Variants in CAD observed in about 807,000 individuals in gnomAD.
The protein encoded by CAD is carbamoyl-phosphate synthetase 2, aspartate transcarbamylase, and dihydroorotase.
In CAD, 81 loss-of-function variants were observed where a neutral mutation model predicts 237.2. The ratio of observed to expected loss-of-function variants is 0.34; its 90% CI spans 0.29 to 0.41. The LOEUF (loss-of-function observed/expected upper bound fraction) is 0.41, where lower values mean the gene tolerates loss of function less well. Ranked by LOEUF, CAD falls within the 10% of genes least tolerant of loss-of-function variation. CAD has a pLI of 1.00. For synonymous variants in CAD, 1,196 were observed against 1,162.8 expected (o/e 1.03, Z -0.58); for missense variants, 2,181 against 2,951.7 (o/e 0.74, Z 6.05).
At chr2:27,228,208 A>G (rs1210391272) in intron 15 of CAD, among the ~76,000 whole-genome samples, 2 of 152,252 alleles carry the variant, frequency 1.3e-5, no homozygotes, top group African/African-American at 2.4e-5. Context: ...AGAAGAAATC[A>G]ATAAGCAAAC....
chr2:27,225,672 A>T, intron 11 of CAD, 33 bp from the exon 12 acceptor site: 1 of 1,490,178 alleles, frequency 6.7e-7, no homozygotes, highest in Non-Finnish European at 9.4e-7. Context: ...AGTAGGAAAT[A>T]ACCTGTTTGT....
In CAD at chr2:27,224,431, C is replaced by G. The variant is rs776587439; in HGVS notation, c.1195C>G (p.Leu399Val). ...TCCACCACCACGAAAGGTTCTGATCCTGGGCTCAGGGGGCCTCTCCATTGG... is the reference window on the plus strand; with the variant it reads ...TCCACCACCACGAAAGGTTCTGATCGTGGGCTCAGGGGGCCTCTCCATTGG... ...GLPPPRKVLI[L>V]GSGGLSIGQA... is the part of the protein sequence containing the mutation. Residue 399 changes from leucine (L) to valine (V), a missense_variant, in exon 9 of 44, where the codon CTG becomes GTG. By Grantham distance (32) the Leu-to-Val change is conservative. Transcript: ENST00000264705. 1 of 1,614,186 alleles carries G rather than the reference C, an allele frequency of 6.2e-7. No homozygotes were observed. The highest frequency in any genetic ancestry group is 2.2e-5 in the East Asian group (1 of 44,878).
At position 27,221,325 on chromosome 2, in the gene CAD, G is replaced by A; in HGVS notation, c.330G>A (p.Gln110=). The A allele has an allele frequency of 1.3e-6, 2 of 1,578,110 alleles. No individual in the cohort carries two copies. Among genetic ancestry groups the A allele is most frequent in the Non-Finnish European group, 1.7e-6 (2 of 1,163,170 alleles). The part of the protein sequence containing the change: ...ATRTLHEWLQ[Q]HGIPGLQGVD... ...GCACCCTGCATGAGTGGCTGCAGCA[G>A]CATGGCATCCCTGGCTTGCAAGGTA... The change falls in exon 3 of 44, where the codon CAG becomes CAA. Residue 110 remains glutamine, a synonymous_variant. Transcript: ENST00000264705.
At position 27,242,916 on chromosome 2, in the gene CAD, G is replaced by T; in HGVS notation, c.6423G>T (p.Val2141=). Residue 2141 remains valine (V), a synonymous_variant, in exon 42 of 44, where the codon GTG becomes GTT. Coordinates refer to ENST00000264705, the MANE Select transcript of CAD (RefSeq NM_004341.5). The surrounding 1 kb of genome is among the most constrained non-coding windows in gnomAD (Gnocchi z 6.4). ...SIEEALPDTD[V]LYMTRIQKER... Reference sequence around the variant, plus strand: ...AGGAGGCGCTGCCTGACACTGATGTGCTCTACATGACTCGAATCCAGAAGG... The same window carrying T: ...AGGAGGCGCTGCCTGACACTGATGTTCTCTACATGACTCGAATCCAGAAGG... The T allele has an allele frequency of 6.2e-7, 1 of 1,613,282 alleles. No individual in the cohort carries two copies. Among genetic ancestry groups the T allele is most frequent in the Non-Finnish European group, 8.5e-7 (1 of 1,179,290 alleles).
At chr2:27,222,783 ACT>A (rs1455404541) in intron 5 of CAD, 81 bp from the exon 6 acceptor site, 3 of 1,574,040 alleles carry the variant, frequency 1.9e-6, no homozygotes, top group Non-Finnish European at 2.6e-6. Context: ...GGGACTTAAC[ACT>A]CTCATGGGCT....
rs1675942434 is a variant in CAD at position 27,235,152 on chromosome 2, G to A, written c.3787-93G>A. 1.7e-6 allele frequency: 2 copies of A among 1,193,430 alleles called. No homozygotes were observed. The highest frequency in any genetic ancestry group is 2.5e-5 in the Admixed American group (1 of 39,742). The allele number at this position is 1,193,430 out of a possible 1,614,324, so 73.9% of individuals were successfully genotyped here. A position where few individuals can be genotyped will look rare whatever the true frequency, so the allele number is the denominator to read the frequency against. On this transcript the variant is annotated intron_variant, in intron 23 of 43. Coordinates refer to ENST00000264705, the MANE Select transcript of CAD (RefSeq NM_004341.5). The surrounding 1 kb of genome is among the most constrained non-coding windows in gnomAD (Gnocchi z 5.2). ...GGCAGGCTGACCCTGCCATTCAGAT[G>A]GGATCAAGCACAGGGTACTGTGTCC...
chr2:27,223,446 A>C (rs905686632), intron 6 of CAD, 117 bp from the exon 7 acceptor site: 39 of 947,250 alleles, frequency 4.1e-5, no homozygotes, highest in Non-Finnish European at 5.5e-5. Flanking sequence ...AAAAAAAAAA[A>C]CAAAAAGGAA....
At chr2:27,218,353 A>G (rs73921473) in intron 2 of CAD, among the ~76,000 whole-genome samples, 8,451 of 152,330 alleles carry the variant, frequency 0.055, 270 homozygotes, top group African/African-American at 0.082. Context: ...CTTGTTAGGC[A>G]TGCAGAAGTC....
rs147932160 is a variant in CAD, at chr2:27,242,897, C to T, written c.6404C>T (p.Ala2135Val). 27 of 1,613,944 alleles carry T rather than the reference C, an allele frequency of 1.7e-5. No individual in the cohort carries two copies. The highest frequency in any genetic ancestry group is 2.7e-5 in the African/African-American group (2 of 74,944). ...KQEEFESIEE[A>V]LPDTDVLYMT... Reference sequence around the variant, plus strand: ...GAGGAATTCGAGAGCATTGAGGAGGCGCTGCCTGACACTGATGTGCTCTAC... The same window carrying T: ...GAGGAATTCGAGAGCATTGAGGAGGTGCTGCCTGACACTGATGTGCTCTAC... The change falls in exon 42 of 44, where the codon GCG (alanine) becomes GTG (valine). Residue 2135 changes from alanine to valine, a missense_variant. Ala to Val is a moderately conservative substitution (Grantham distance 64, BLOSUM62 0). Around this residue, in one of 12 missense-constraint regions of CAD, gnomAD observed 170 missense variants for 212.1 expected, o/e 0.80. Coordinates refer to ENST00000264705, the MANE Select transcript of CAD (RefSeq NM_004341.5). The surrounding 1 kb of genome is among the most constrained non-coding windows in gnomAD (Gnocchi z 6.4).
Position 27,236,781 on chromosome 2 carries a change from G to GA in CAD, c.4349dup (p.Val1451GlyfsTer4). Reference sequence around the variant, plus strand: ...GCCAGATCGGGCCAGCCCCTCCTTTGAAGGTGCATGTTGACTGTATGACCT... The same window carrying GA: ...GCCAGATCGGGCCAGCCCCTCCTTTGAAAGGTGCATGTTGACTGTATGACCT... On this transcript the variant is annotated frameshift_variant, in exon 27 of 44. Coordinates refer to ENST00000264705, the MANE Select transcript of CAD (RefSeq NM_004341.5). LOFTEE classifies it high-confidence loss of function. This position sits in a 1 kb window ranked among gnomAD's most constrained non-coding sequence, Gnocchi z 4.1. The GA allele has an allele frequency of 6.2e-7, 1 of 1,614,148 alleles. No individual in the cohort carries two copies. Among genetic ancestry groups the GA allele is most frequent in the Non-Finnish European group, 8.5e-7 (1 of 1,180,030 alleles).
Position 27,226,854 on chromosome 2 carries a change from G to A in CAD, c.2179G>A (p.Ala727Thr). 1 of 1,614,180 alleles carries A rather than the reference G, an allele frequency of 6.2e-7. No individual in the cohort carries two copies. Among genetic ancestry groups the A allele is most frequent in the Non-Finnish European group, 8.5e-7 (1 of 1,180,012 alleles). Residue 727 changes from alanine (A) to threonine (T), a missense_variant, in exon 15 of 44, where the codon GCA becomes ACA. By Grantham distance (58) the Ala-to-Thr change is moderately conservative (BLOSUM62 0). This residue lies in a region of CAD where 385 missense variants were observed against 535.1 expected (regional missense o/e 0.72). Transcript: ENST00000264705. Reference sequence around the variant, plus strand: ...CAGGAACTCTGTGACAGGGGGTACAGCAGCCTTTGAACCCAGCGTGGATTA... The same window carrying A: ...CAGGAACTCTGTGACAGGGGGTACAACAGCCTTTGAACCCAGCGTGGATTA... ...ELRNSVTGGT[A>T]AFEPSVDYCV...
rs754840084 is a variant in CAD at position 27,225,216 on chromosome 2, G to C, written c.1593G>C (p.Pro531=). ...CAGAGATCGGAGAGCATGTGGCCCC[G>C]AGCGAGGCAGCAAATTCTCTTGAAC... The part of the protein sequence containing the change: ...RMAEIGEHVA[P]SEAANSLEQA... The change falls in exon 11 of 44, where the codon CCG becomes CCC. Residue 531 remains proline, a synonymous_variant. Transcript: ENST00000264705. The C allele has an allele frequency of 6.2e-7, 1 of 1,613,598 alleles. No individual in the cohort carries two copies. Among genetic ancestry groups the C allele is most frequent in the Admixed American group, 1.7e-5 (1 of 59,980 alleles).
In CAD at chr2:27,217,422, G is replaced by C. The variant is rs1290620187; in HGVS notation, c.-130G>C. On this transcript the variant is annotated 5_prime_UTR_variant, in exon 1 of 44. Transcript: ENST00000264705. Reference sequence around the variant, plus strand: ...CGAGGCTCCTACGCTGCCGCGCCCGGCTTCTCTCCAGCGCCCCGCGCCGTT... The same window carrying C: ...CGAGGCTCCTACGCTGCCGCGCCCGCCTTCTCTCCAGCGCCCCGCGCCGTT... 7 of 808,362 alleles carry C rather than the reference G, an allele frequency of 8.7e-6. No homozygotes were observed. Among genetic ancestry groups the C allele is most frequent in the Non-Finnish European group, 1.5e-5 (7 of 481,732 alleles). 50.1% of individuals were successfully genotyped at this position (808,362 alleles called of 1,614,324 possible). A position where few individuals can be genotyped will look rare whatever the true frequency, so the allele number is the denominator to read the frequency against.
In CAD at chr2:27,241,454, G is replaced by C. The variant is rs891505748; in HGVS notation, c.5883+58G>C. 6.6e-7 allele frequency: 1 copy of C among 1,506,490 alleles called. No homozygotes were observed. Among genetic ancestry groups the C allele is most frequent in the Admixed American group, 1.7e-5 (1 of 59,704 alleles). 93.3% of individuals were successfully genotyped at this position (1,506,490 alleles called of 1,614,324 possible). A position where few individuals can be genotyped will look rare whatever the true frequency, so the allele number is the denominator to read the frequency against. On this transcript the variant is annotated intron_variant, in intron 38 of 43. Coordinates refer to ENST00000264705, the MANE Select transcript of CAD (RefSeq NM_004341.5). The surrounding 1 kb of genome is among the most constrained non-coding windows in gnomAD (Gnocchi z 4.6). ...CATCGCCTGCCCTTGGGCCGCATCA[G>C]CGCAGGGCCGCGCAGTGGTCAGAGT...
At position 27,230,613 on chromosome 2, in the gene CAD, C is replaced by T. The variant is rs564025167; in HGVS notation, c.2288-855C>T. On this transcript the variant is annotated intron_variant, in intron 15 of 43. Transcript: ENST00000264705. Reference sequence around the variant, plus strand: ...TGCATTCCAGCCTGGGCAACAAGAGCGAAAGTCCATCTAAAAAAAAAAAAC... The same window carrying T: ...TGCATTCCAGCCTGGGCAACAAGAGTGAAAGTCCATCTAAAAAAAAAAAAC... 5.3e-5 allele frequency among the ~76,000 whole-genome samples: 8 copies of T among 150,856 alleles called. No individual in the cohort carries two copies. In the South Asian group the frequency reaches 1.7e-3, roughly 32 times the overall value.
Position 27,242,952 on chromosome 2 carries a change from C to T in CAD, c.6459C>T (p.Gly2153=), listed in dbSNP as rs564385686. 136 of 1,605,650 alleles carry T rather than the reference C, an allele frequency of 8.5e-5. 1 individual carries two copies. The South Asian group carries it at 1.4e-3, about 17-fold the overall frequency. ...CTCGAATCCAGAAGGAACGATTTGG[C>T]TCTACCCAGGAGTACGAAGCTGTGA... The part of the protein sequence containing the change: ...YMTRIQKERF[G]STQEYEACFG... Residue 2153 remains glycine, a synonymous_variant, in exon 42 of 44, where the codon GGC becomes GGT. Transcript: ENST00000264705. The surrounding 1 kb of genome is among the most constrained non-coding windows in gnomAD (Gnocchi z 6.4).
chr2:27,229,229 G>T (rs775776088), intron 15 of CAD, among the ~76,000 whole-genome samples: 1 of 151,502 alleles, frequency 6.6e-6, no homozygotes, highest in African/African-American at 2.4e-5. Flanking sequence ...ACCCTGTCTC[G>T]TTAAAAAAGA....
At chr2:27,223,407 G>GGAAACAGA (rs1490624729) in intron 6 of CAD, among the ~76,000 whole-genome samples, 156 bp from the exon 7 acceptor site, 1 of 150,518 alleles carries the variant, frequency 6.6e-6, no homozygotes, top group Non-Finnish European at 1.5e-5. Context: ...CTCCAGCCCG[G>GGAAACAGA]GAAACAGAGG....
At chr2:27,219,994 C>T (rs1675077178) in intron 2 of CAD, among the ~76,000 whole-genome samples, 1 of 152,172 alleles carries the variant, frequency 6.6e-6, no homozygotes. Context: ...ACCTCCCTAT[C>T]TTACTCAGTT....
Sources: allele counts gnomAD v4.1 joint callset (sites outside exome capture counted in the v4.1 genomes callset), GRCh38; gene constraint gnomAD v4.1.1; regional missense constraint gnomAD v4.1.1; non-coding constraint Gnocchi (gnomAD v3.1); transcripts MANE v1.5; gene names NCBI Gene and HGNC (gene_info 2026-07-23, HGNC 2026-07-21).